The following RBFOX1 variants were observed in gnomAD, a reference collection of about 807,000 sequenced individuals.
RBFOX1 encodes the protein RNA binding fox-1 homolog 1.
A neutral mutation model predicts 57.7 loss-of-function variants in RBFOX1; 8 were observed. The ratio of observed to expected loss-of-function variants is 0.14; its 90% CI spans 0.08 to 0.25. RBFOX1 has a LOEUF of 0.25. Ranked by LOEUF, RBFOX1 falls within the 10% of genes least tolerant of loss-of-function variation. The pLI, the probability that RBFOX1 is intolerant of heterozygous loss-of-function variation, is 1.00. For missense variants in RBFOX1, 611 were observed against 548.5 expected, an observed-to-expected ratio of 1.11 and a Z score of -1.14; for synonymous variants, 326 against 222.4, an observed-to-expected ratio of 1.47 and a Z score of -4.15.
chr16:7,405,088 T>G (rs1425724914), intron 4 of RBFOX1, among the ~76,000 whole-genome samples: 1 of 152,220 alleles, frequency 6.6e-6, no homozygotes, highest in Non-Finnish European at 1.5e-5. Context: ...CTTGCCAGGT[T>G]GCAGGGTGAT....
intron 3 of RBFOX1, among the ~76,000 whole-genome samples, chr16:5,837,418 T>C (rs2056495294): frequency 6.6e-6 from 1 of 152,078 alleles, no homozygotes; most frequent in Non-Finnish European, 1.5e-5. Context: ...CCAGTCCAAG[T>C]CTGACTCAGA....
intron 1 of RBFOX1, among the ~76,000 whole-genome samples, chr16:6,046,563 C>T (rs555431667): frequency 2.6e-5 from 4 of 152,020 alleles, no homozygotes; most frequent in South Asian, 2.1e-4. Context: ...TAAACATTAC[C>T]GTATTAAATG....
At chr16:7,059,075 T>C (rs997299605) in intron 4 of RBFOX1, among the ~76,000 whole-genome samples, 1 of 152,226 alleles carries the variant, frequency 6.6e-6, no homozygotes, top group Admixed American at 6.5e-5. Flanking sequence ...GTGGATTGCA[T>C]AATGAAAATT....
chr16:7,351,597 C>G (rs1184983771), intron 4 of RBFOX1, among the ~76,000 whole-genome samples: 3 of 152,220 alleles, frequency 2.0e-5, no homozygotes, highest in African/African-American at 7.2e-5. Flanking sequence ...TCATGATACT[C>G]TGCTCTTGAG....
At chr16:7,055,266 A>G (rs1178515180) in intron 4 of RBFOX1, among the ~76,000 whole-genome samples, 1 of 152,186 alleles carries the variant, frequency 6.6e-6, no homozygotes, top group Non-Finnish European at 1.5e-5. Flanking sequence ...TGTTTATAGA[A>G]CATACTCTTG....
At chr16:6,490,558 T>C (rs2095609510) in intron 2 of RBFOX1, among the ~76,000 whole-genome samples, 1 of 152,238 alleles carries the variant, frequency 6.6e-6, no homozygotes, top group Non-Finnish European at 1.5e-5. Context: ...CTGCTTACTA[T>C]TTATTGCCCT....
chr16:6,931,434 G>A (rs903171783), intron 3 of RBFOX1, among the ~76,000 whole-genome samples: 17 of 151,756 alleles, frequency 1.1e-4, no homozygotes, highest in African/African-American at 2.9e-4. Context: ...CATAATAAAC[G>A]TCTGCTGCCT....
At chr16:6,112,322 T>C (rs2096455522) in intron 1 of RBFOX1, among the ~76,000 whole-genome samples, 1 of 152,330 alleles carries the variant, frequency 6.6e-6, no homozygotes, top group East Asian at 1.9e-4. Flanking sequence ...TTATCCGATA[T>C]GTGCATTCTA....
intron 1 of RBFOX1, among the ~76,000 whole-genome samples, chr16:5,242,421 A>T (rs1232785967): frequency 7.9e-5 from 12 of 152,182 alleles, no homozygotes; most frequent in Non-Finnish European, 1.8e-4. Flanking sequence ...TTTCAAACTT[A>T]AAATTTGGCC....
At chr16:6,814,253 G>GT (rs543051466) in intron 3 of RBFOX1, among the ~76,000 whole-genome samples, 5,916 of 142,414 alleles carry the variant, frequency 0.042, 153 homozygotes, top group Middle Eastern at 0.093. Context: ...ATTGTGGTGG[G>GT]GGGGAGGGAG....
At chr16:7,233,024 C>T (rs986897659) in intron 4 of RBFOX1, among the ~76,000 whole-genome samples, 1 of 152,220 alleles carries the variant, frequency 6.6e-6, no homozygotes, top group South Asian at 2.1e-4. Context: ...CTAAAATAGG[C>T]TACATTTCCC....
chr16:7,413,916 G>T (rs2098454720), intron 4 of RBFOX1, among the ~76,000 whole-genome samples: 1 of 152,112 alleles, frequency 6.6e-6, no homozygotes, highest in African/African-American at 2.4e-5. Flanking sequence ...TAAGTGCAGA[G>T]CCTGGCACAT....
intron 11 of RBFOX1, among the ~76,000 whole-genome samples, chr16:7,632,466 A>G (rs878929399): frequency 2.0e-5 from 3 of 152,210 alleles, no homozygotes; most frequent in Admixed American, 2.0e-4. Flanking sequence ...AGGTATCACA[A>G]TGTTTGCTTT....
At chr16:6,890,759 C>G (rs1352738057) in intron 3 of RBFOX1, among the ~76,000 whole-genome samples, 1 of 152,140 alleles carries the variant, frequency 6.6e-6, no homozygotes, top group Non-Finnish European at 1.5e-5. Context: ...CTGTCACCTT[C>G]TGATTTAAGC....
chr16:5,781,196 C>T (rs1162084795), intron 3 of RBFOX1, among the ~76,000 whole-genome samples: 3 of 152,192 alleles, frequency 2.0e-5, no homozygotes, highest in Admixed American at 2.0e-4. Flanking sequence ...TCTGATGCTT[C>T]TTGCCTAAAG....
At chr16:7,033,525 C>G (rs1209257626) in intron 3 of RBFOX1, among the ~76,000 whole-genome samples, 3 of 152,122 alleles carry the variant, frequency 2.0e-5, no homozygotes, top group African/African-American at 4.8e-5. Context: ...GTCTCAAAAA[C>G]TGAAAACAAT....
In RBFOX1 at chr16:5,378,515, G is replaced by C. The variant is rs180920108; in HGVS notation, c.220-88701G>C. 1.1e-3 allele frequency among the ~76,000 whole-genome samples: 174 copies of C among 151,542 alleles called. 8 individuals carry two copies. Among genetic ancestry groups the C allele is most frequent in the African/African-American group, 4.0e-3 (162 of 40,860 alleles). The stretch of plus-strand genomic sequence containing the variant: ...TTAAGCGTCAGTATTAACTATTTTC[G>C]TTCTGTGAATAGCCTCAGCAGAACC... On this transcript the variant is annotated intron_variant, in intron 1 of 2. Transcript: ENST00000585867.
At chr16:5,558,314 G>A (rs769528951) in intron 2 of RBFOX1, among the ~76,000 whole-genome samples, 13 of 152,144 alleles carry the variant, frequency 8.5e-5, no homozygotes, top group Non-Finnish European at 1.6e-4. Context: ...GGCTTTGGGA[G>A]TTCTTAGACA....
chr16:5,426,010 T>A (rs953392331), intron 1 of RBFOX1, among the ~76,000 whole-genome samples: 2 of 152,050 alleles, frequency 1.3e-5, no homozygotes, highest in Non-Finnish European at 2.9e-5. Flanking sequence ...GGAGTGGAAG[T>A]GCTGCTGGTG....
Sources: allele counts gnomAD v4.1 joint callset (sites outside exome capture counted in the v4.1 genomes callset), GRCh38; gene constraint gnomAD v4.1.1; transcripts MANE v1.5; gene names NCBI Gene and HGNC (gene_info 2026-07-23, HGNC 2026-07-21).